ATP8B4: variants seen among roughly 807,000 people sequenced by gnomAD.
The protein encoded by ATP8B4 is probable phospholipid-transporting ATPase IM.
ATP8B4 carries 133 observed loss-of-function variants against 145.6 expected under a neutral mutation model. The observed-to-expected ratio is 0.91, with a 90% CI of 0.79 to 1.05. The LOEUF is 1.05. Among genes scored for constraint, ATP8B4 ranks in the 50% least tolerant of loss-of-function variants. ATP8B4 has a pLI of 0.00. For missense variants in ATP8B4, 1,458 were observed against 1,425.2 expected, an observed-to-expected ratio of 1.02 and a Z score of -0.37; for synonymous variants, 507 against 492.9, an observed-to-expected ratio of 1.03 and a Z score of -0.38.
intron 3 of ATP8B4, among the ~76,000 whole-genome samples, chr15:50,063,446 A>G (rs565705340): frequency 6.6e-6 from 1 of 152,228 alleles, no homozygotes; most frequent in South Asian, 2.1e-4. Context: ...CAATACAGAG[A>G]GATGCTAAAG....
intron 2 of ATP8B4, among the ~76,000 whole-genome samples, chr15:50,096,050 C>T (rs1398401920): frequency 2.0e-5 from 3 of 152,052 alleles, no homozygotes; most frequent in African/African-American, 4.8e-5. Flanking sequence ...AAGTTATCTC[C>T]ATAGAGATGA....
intron 1 of ATP8B4, among the ~76,000 whole-genome samples, chr15:50,137,544 T>G (rs2044139411): frequency 1.3e-5 from 2 of 152,322 alleles, no homozygotes; most frequent in South Asian, 4.1e-4. Flanking sequence ...TTATTGGAAG[T>G]GTCTCAGAGT....
chr15:49,934,541 G>C (rs2153470782), intron 14 of ATP8B4, among the ~76,000 whole-genome samples: 2 of 152,162 alleles, frequency 1.3e-5, no homozygotes, highest in Middle Eastern at 3.4e-3. Context: ...GAACCCATTT[G>C]TGCAGCAATA....
At chr15:49,988,223 C>T (rs1250760589) in intron 9 of ATP8B4, among the ~76,000 whole-genome samples, 1 of 152,144 alleles carries the variant, frequency 6.6e-6, no homozygotes, top group African/African-American at 2.4e-5. Flanking sequence ...AGGGCATGCC[C>T]ACTCCAAATC....
rs2032378824 is a variant in ATP8B4 at position 49,864,210 on chromosome 15, G to C, written c.3167-1835C>G. Among the ~76,000 whole-genome samples the C allele has an allele frequency of 2.6e-5, 4 of 152,316 alleles. No individual in the cohort carries two copies. In the South Asian group the frequency reaches 8.3e-4, roughly 32 times the overall value. ...CTTAAAGATTTCCATTTACATGTAG[G>C]AAAAGGCAAAAGGTGAAGAACATTT... On this transcript the variant is annotated intron_variant, in intron 26 of 27. Transcript: ENST00000284509.
chr15:50,091,599 T>A (rs2055616072), intron 2 of ATP8B4, among the ~76,000 whole-genome samples: 1 of 152,166 alleles, frequency 6.6e-6, no homozygotes, highest in Non-Finnish European at 1.5e-5. Context: ...TTTGAAGCAT[T>A]TCCAAATAGA....
chr15:50,037,926 C>T (rs1387467974), intron 6 of ATP8B4, among the ~76,000 whole-genome samples: 3 of 152,158 alleles, frequency 2.0e-5, no homozygotes, highest in African/African-American at 2.4e-5. Context: ...AGCTACCTAG[C>T]CCCTCTTGAT....
intron 3 of ATP8B4, among the ~76,000 whole-genome samples, chr15:50,047,815 T>C (rs957485911): frequency 6.6e-6 from 1 of 152,114 alleles, no homozygotes; most frequent in Non-Finnish European, 1.5e-5. Context: ...AGGAGGGAAC[T>C]TCAGAAATCA....
chr15:49,882,946 T>C (rs1034345416), intron 23 of ATP8B4, among the ~76,000 whole-genome samples: 7 of 152,204 alleles, frequency 4.6e-5, no homozygotes, highest in Non-Finnish European at 1.0e-4. Flanking sequence ...ATTTAAAAAT[T>C]AAACACGTGA....
At chr15:50,051,251 C>T (rs992641337) in intron 3 of ATP8B4, among the ~76,000 whole-genome samples, 1 of 152,176 alleles carries the variant, frequency 6.6e-6, no homozygotes, top group Non-Finnish European at 1.5e-5. Flanking sequence ...TGAAGAAGGA[C>T]GTGTTTGCTT....
At chr15:50,175,571 C>T (rs1353309745) in intron 1 of ATP8B4, among the ~76,000 whole-genome samples, 22 of 152,140 alleles carry the variant, frequency 1.4e-4, no homozygotes, top group Non-Finnish European at 3.2e-4. Context: ...GGAAGACATA[C>T]AAATGGTCAA....
Position 49,950,640 on chromosome 15 carries a change from C to A in ATP8B4, c.1287+11337G>T, listed in dbSNP as rs371622571. On this transcript the variant is annotated intron_variant, in intron 14 of 27. Transcript: ENST00000284509. The stretch of plus-strand genomic sequence containing the variant: ...CAAACAAAAAAAACAACAACAACAA[C>A]AAAAAACCAGCTCCTGGATTCGTTG... Among the ~76,000 whole-genome samples, 539 of 126,590 alleles carry A rather than the reference C, an allele frequency of 4.3e-3. 2 individuals carry two copies. The highest frequency in any genetic ancestry group is 7.7e-3 in the Non-Finnish European group (439 of 57,160). 83.0% of individuals were successfully genotyped at this position (126,590 alleles called of 152,430 possible). A position where few individuals can be genotyped will look rare whatever the true frequency, so the allele number is the denominator to read the frequency against.
At chr15:50,155,383 C>A (rs1184300607) in intron 1 of ATP8B4, among the ~76,000 whole-genome samples, 1 of 151,942 alleles carries the variant, frequency 6.6e-6, no homozygotes, top group East Asian at 1.9e-4. Context: ...GTTTTATAAC[C>A]TTTGTGTCAA....
At chr15:50,078,768 A>G (rs2054352688) in intron 2 of ATP8B4, among the ~76,000 whole-genome samples, 1 of 152,166 alleles carries the variant, frequency 6.6e-6, no homozygotes, top group Non-Finnish European at 1.5e-5. Flanking sequence ...AAGAAAAAAA[A>G]ATGGTTAGCC....
chr15:49,928,235 T>C (rs1353039422), intron 16 of ATP8B4, among the ~76,000 whole-genome samples: 1 of 152,134 alleles, frequency 6.6e-6, no homozygotes, highest in East Asian at 1.9e-4. Context: ...CAAGGCATTC[T>C]GGGGAACACA....
At chr15:49,948,632 G>A (rs542021850) in intron 14 of ATP8B4, among the ~76,000 whole-genome samples, 2 of 152,064 alleles carry the variant, frequency 1.3e-5, no homozygotes, top group Non-Finnish European at 2.9e-5. Flanking sequence ...ATACTTTGCC[G>A]ACTTTTTGAT....
intron 20 of ATP8B4, among the ~76,000 whole-genome samples, chr15:49,904,911 A>T (rs1161634451): frequency 1.3e-5 from 2 of 152,248 alleles, no homozygotes; most frequent in Admixed American, 6.5e-5. Flanking sequence ...AGTTTTTCTA[A>T]TAACAAAACA....
At chr15:49,969,971 G>A (rs1407071539) in intron 13 of ATP8B4, among the ~76,000 whole-genome samples, 3 of 152,114 alleles carry the variant, frequency 2.0e-5, no homozygotes. Context: ...TTCAACATAT[G>A]CAAACCAATA....
intron 14 of ATP8B4, among the ~76,000 whole-genome samples, chr15:49,944,014 C>T (rs1461307255): frequency 2.0e-5 from 3 of 152,084 alleles, no homozygotes; most frequent in Non-Finnish European, 4.4e-5. Context: ...ACTATCATAA[C>T]TATAAGACAT....
Sources: allele counts gnomAD v4.1 joint callset (sites outside exome capture counted in the v4.1 genomes callset), GRCh38; gene constraint gnomAD v4.1.1; transcripts MANE v1.5; gene names NCBI Gene and HGNC (gene_info 2026-07-23, HGNC 2026-07-21).